The following PYGO1 variants were observed in gnomAD, a reference collection of about 807,000 sequenced individuals.
PYGO1 encodes pygopus homolog 1.
Under a neutral mutation model 29.5 loss-of-function variants are expected in PYGO1, and 6 were observed. The observed-to-expected ratio is 0.20, with a 90% CI of 0.11 to 0.40. The LOEUF is 0.40. PYGO1 is among the 10% of genes least tolerant of loss of function. The probability of loss-of-function intolerance (pLI) is 1.00; values close to 1 mark genes in which losing one functional copy is unlikely to be tolerated. For missense variants in PYGO1, 515 were observed against 514.9 expected, an observed-to-expected ratio of 1.00 and a Z score of 0.00; for synonymous variants, 186 against 180.5, an observed-to-expected ratio of 1.03 and a Z score of -0.24.
At position 55,545,826 on chromosome 15, in the gene PYGO1, C is replaced by T. The variant is rs573325047; in HGVS notation, c.*197G>A. Reference sequence around the variant, plus strand: ...TTTATTTATGTTTCTAAAGCACCCCCATATACATTATTCTCATTTAAGACA... The same window carrying T: ...TTTATTTATGTTTCTAAAGCACCCCTATATACATTATTCTCATTTAAGACA... On this transcript the variant is annotated 3_prime_UTR_variant, in exon 3 of 3. Transcript: ENST00000563719. 1.9e-6 allele frequency: 1 copy of T among 522,880 alleles called. No homozygotes were observed. Among genetic ancestry groups the T allele is most frequent in the African/African-American group, 1.9e-5 (1 of 52,472 alleles). The allele number at this position is 522,880 out of a possible 1,614,324, so 32.4% of individuals were successfully genotyped here.
At chr15:55,588,750 C>T (rs950870273), upstream of PYGO1, 7 of 1,583,006 alleles carry the variant, frequency 4.4e-6, no homozygotes, top group African/African-American at 8.1e-5. Context: ...TCGTCGGAGG[C>T]CACAGCAGCA....
rs575373193 is a variant in PYGO1, at chr15:55,587,771, G to A, written c.49+64C>T. ...AGAGCCCCATGGCCTCCCGGCGGCCGGGCACGGGGCCCCGCGCACCTCACT... is the reference window on the plus strand; with the variant it reads ...AGAGCCCCATGGCCTCCCGGCGGCCAGGCACGGGGCCCCGCGCACCTCACT... On this transcript the variant is annotated intron_variant, in intron 1 of 2. Transcript: ENST00000563719. 7.5e-5 allele frequency: 109 copies of A among 1,448,402 alleles called. 1 individual carries two copies. In the African/African-American group the frequency reaches 1.0e-3, roughly 14 times the overall value. The allele number at this position is 1,448,402 out of a possible 1,614,324, so 89.7% of individuals were successfully genotyped here.
At chr15:55,550,520 C>A (rs2141648063) in intron 1 of PYGO1, among the ~76,000 whole-genome samples, 1 of 152,270 alleles carries the variant, frequency 6.6e-6, no homozygotes, top group South Asian at 2.1e-4. Context: ...ACCAGCTGGG[C>A]AGCACCTCAA....
Position 55,543,428 on chromosome 15 carries a change from G to C in PYGO1, c.*2595C>G, listed in dbSNP as rs1042431166. On this transcript the variant is annotated 3_prime_UTR_variant, in exon 3 of 3. Coordinates refer to ENST00000563719, the MANE Select transcript of PYGO1 (RefSeq NM_001367806.1). ...ACAGTTTGGCTATGATTCACTATCA[G>C]AATGAACCGTGAGTTTTTCTTTTGA... is the stretch of plus-strand genomic sequence containing the variant. 2.0e-5 allele frequency: 3 copies of C among 152,172 alleles called. No individual in the cohort carries two copies. Among genetic ancestry groups the C allele is most frequent in the Non-Finnish European group, 4.4e-5 (3 of 68,016 alleles). The allele number at this position is 152,172 out of a possible 1,614,324, so 9.4% of individuals were successfully genotyped here.
At chr15:55,557,259 C>G (rs1213425879) in intron 1 of PYGO1, among the ~76,000 whole-genome samples, 2 of 152,164 alleles carry the variant, frequency 1.3e-5, no homozygotes, top group African/African-American at 2.4e-5. Flanking sequence ...TGCATAAATT[C>G]CTCGACACAT....
chr15:55,585,446 C>T (rs1567061639), intron 1 of PYGO1, among the ~76,000 whole-genome samples: 1 of 152,126 alleles, frequency 6.6e-6, no homozygotes, highest in Non-Finnish European at 1.5e-5. Flanking sequence ...TGAAGTTCAG[C>T]AGAATGGTGC....
intron 1 of PYGO1, among the ~76,000 whole-genome samples, chr15:55,555,970 T>C (rs1443811732): frequency 1.3e-5 from 2 of 151,888 alleles, no homozygotes; most frequent in Admixed American, 1.3e-4. Flanking sequence ...CCTAAATATA[T>C]TTGCACCCAA....
intron 1 of PYGO1, among the ~76,000 whole-genome samples, chr15:55,566,388 CAAA>C (rs57006291): frequency 1.4e-5 from 2 of 146,474 alleles, no homozygotes; most frequent in African/African-American, 5.0e-5. Context: ...CATATTGCTA[CAAA>C]AAAAAAAAAG....
chr15:55,553,320 G>A (rs556610633), intron 1 of PYGO1, among the ~76,000 whole-genome samples: 1 of 152,088 alleles, frequency 6.6e-6, no homozygotes, highest in Non-Finnish European at 1.5e-5. Flanking sequence ...TGGCTCTGAA[G>A]AATCTAGGCA....
chr15:55,554,490 A>AAAAAAAAAAG (rs2058894835), intron 1 of PYGO1, among the ~76,000 whole-genome samples: 3 of 146,572 alleles, frequency 2.0e-5, no homozygotes, highest in East Asian at 2.0e-4. Context: ...AAAAAAAAAA[A>AAAAAAAAAAG]AAAGAAAGAA....
chr15:55,552,285 C>G (rs191595394), intron 1 of PYGO1, among the ~76,000 whole-genome samples: 1 of 147,214 alleles, frequency 6.8e-6, no homozygotes, highest in East Asian at 2.0e-4. Context: ...GAGTCTGGGA[C>G]GCAGAGGTTC....
chr15:55,546,299 G>A lies in PYGO1; in HGVS notation c.984C>T (p.His328=). The change falls in exon 3 of 3, where the codon CAC becomes CAT. Residue 328 remains histidine (H), a synonymous_variant. Coordinates refer to ENST00000563719, the MANE Select transcript of PYGO1 (RefSeq NM_001367806.1). ...TTEKSNKSSL[H]PNRHGHSSSD... is the part of the protein sequence containing the mutation. ...AAGACGAATGGCCATGACGGTTTGG[G>A]TGAAGAGAGGATTTATTGCTTTTTT... 1.2e-6 allele frequency: 2 copies of A among 1,614,218 alleles called. No individual in the cohort carries two copies. Among genetic ancestry groups the A allele is most frequent in the Non-Finnish European group, 1.7e-6 (2 of 1,180,046 alleles).
chr15:55,564,820 A>G (rs976497985), intron 1 of PYGO1, among the ~76,000 whole-genome samples: 2 of 152,212 alleles, frequency 1.3e-5, no homozygotes, highest in African/African-American at 4.8e-5. Context: ...TCTGCTCAGG[A>G]TATCAAGGTA....
chr15:55,558,034 A>G (rs866562309), intron 1 of PYGO1, among the ~76,000 whole-genome samples: 5 of 152,200 alleles, frequency 3.3e-5, no homozygotes, highest in African/African-American at 7.2e-5. Context: ...AGGGTATTCA[A>G]TTAGGAAAAG....
intron 1 of PYGO1, among the ~76,000 whole-genome samples, chr15:55,586,498 T>G (rs897942158): frequency 6.6e-6 from 1 of 152,302 alleles, no homozygotes. Flanking sequence ...ATGCTATAAT[T>G]TAAAAATGTA....
rs1033492701 is a variant in PYGO1 at position 55,552,383 on chromosome 15, A to T, written c.50-3388T>A. 3.0e-3 allele frequency among the ~76,000 whole-genome samples: 433 copies of T among 145,494 alleles called. 1 individual carries two copies. Among genetic ancestry groups the T allele is most frequent in the African/African-American group, 0.011 (420 of 37,600 alleles). ...CTCCAAAAAAAAAAAAAAAAAAAAA[A>T]GGTAGGGGGAGCTGTGGTCCATGGC... On this transcript the variant is annotated intron_variant, in intron 1 of 2. Coordinates refer to ENST00000563719, the MANE Select transcript of PYGO1 (RefSeq NM_001367806.1).
At chr15:55,553,706 C>A (rs1326692473) in intron 1 of PYGO1, among the ~76,000 whole-genome samples, 1 of 152,110 alleles carries the variant, frequency 6.6e-6, no homozygotes, top group Non-Finnish European at 1.5e-5. Context: ...CCAACGCGCC[C>A]AGCCTCTAGA....
Position 55,552,593 on chromosome 15 carries a change from G to A in PYGO1, c.50-3598C>T, listed in dbSNP as rs561486404. On this transcript the variant is annotated intron_variant, in intron 1 of 2. Coordinates refer to ENST00000563719, the MANE Select transcript of PYGO1 (RefSeq NM_001367806.1). ...AAAAAAGCCCCACCTCCAGCCAAGG[G>A]AAGCAGTGAGTGATTGTGTGACCCC... 1.1e-3 allele frequency among the ~76,000 whole-genome samples: 165 copies of A among 152,032 alleles called. 1 individual carries two copies. Among genetic ancestry groups the A allele is most frequent in the African/African-American group, 3.7e-3 (155 of 41,484 alleles).
intron 1 of PYGO1, among the ~76,000 whole-genome samples, chr15:55,576,413 G>C (rs1456337844): frequency 9.6e-6 from 1 of 103,688 alleles, no homozygotes; most frequent in African/African-American, 4.0e-5. Flanking sequence ...CCGAGATCCC[G>C]CCACTGCACT....
Sources: gnomAD v4.1 joint callset for allele counts (sites outside exome capture counted in the v4.1 genomes callset) on GRCh38, gnomAD v4.1.1 for gene constraint, MANE v1.5 for transcripts, NCBI Gene and HGNC (gene_info 2026-07-23, HGNC 2026-07-21) for gene names.